The following GABBR2 variants were observed in gnomAD, a reference collection of about 807,000 sequenced individuals.
GABBR2 encodes the protein G-protein coupled receptor 51.
GABBR2 carries 23 observed loss-of-function variants against 105.6 expected under a neutral mutation model. The observed-to-expected ratio is 0.22, with a 90% CI of 0.16 to 0.31. The LOEUF is 0.31. Ranked by LOEUF, GABBR2 falls within the 10% of genes least tolerant of loss-of-function variation. The pLI is 1.00. For synonymous variants in GABBR2, 478 were observed against 499.7 expected (o/e 0.96, Z 0.58); for missense variants, 734 against 1,245.5 (o/e 0.59, Z 6.18).
intron 3 of GABBR2, among the ~76,000 whole-genome samples, chr9:98,518,580 T>G (rs1047436154): frequency 6.6e-6 from 1 of 152,192 alleles, no homozygotes; most frequent in African/African-American, 2.4e-5. Flanking sequence ...TGGCATCCCC[T>G]GCTTCTTCCT....
chr9:98,454,240 G>T lies in GABBR2; in HGVS notation c.1000-23C>A, dbSNP rs1269230801. On this transcript the variant is annotated intron_variant, in intron 6 of 18. Transcript: ENST00000259455. The surrounding 1 kb of genome is among the most constrained non-coding windows in gnomAD (Gnocchi z 4.6). Reference sequence around the variant, plus strand: ...AGTCTGGAAAAACAGGGGATTGGGGGAATCCCAAGTTATACTCGGCAGGGA... The same window carrying T: ...AGTCTGGAAAAACAGGGGATTGGGGTAATCCCAAGTTATACTCGGCAGGGA... 1.3e-6 allele frequency: 2 copies of T among 1,502,208 alleles called. No individual in the cohort carries two copies. Among genetic ancestry groups the T allele is most frequent in the Non-Finnish European group, 1.9e-6 (2 of 1,077,844 alleles). 93.1% of individuals were successfully genotyped at this position (1,502,208 alleles called of 1,614,324 possible).
At chr9:98,615,926 C>T (rs1216178897) in intron 1 of GABBR2, among the ~76,000 whole-genome samples, 1 of 152,222 alleles carries the variant, frequency 6.6e-6, no homozygotes, top group Non-Finnish European at 1.5e-5. Context: ...TGCAAGTTTG[C>T]ACCTGTTTGT....
At chr9:98,312,480 A>G (rs557550342) in intron 13 of GABBR2, among the ~76,000 whole-genome samples, 23 of 152,366 alleles carry the variant, frequency 1.5e-4, no homozygotes, top group Admixed American at 2.6e-4. Flanking sequence ...CTTGGTTGAC[A>G]TGATTTCTGT....
intron 1 of GABBR2, among the ~76,000 whole-genome samples, chr9:98,580,192 TTGC>T (rs1396063917): frequency 6.6e-6 from 1 of 152,196 alleles, no homozygotes. Flanking sequence ...GCCTTTGCAC[TTGC>T]TGTTTTCTCT....
At chr9:98,463,682 C>T (rs570220144) in intron 6 of GABBR2, among the ~76,000 whole-genome samples, 1 of 147,298 alleles carries the variant, frequency 6.8e-6, no homozygotes, top group African/African-American at 2.5e-5. Flanking sequence ...CTTGCAGAGC[C>T]TGGGCAGTAC....
intron 14 of GABBR2, among the ~76,000 whole-genome samples, chr9:98,309,265 G>A (rs901730658): frequency 2.6e-5 from 4 of 152,230 alleles, no homozygotes; most frequent in African/African-American, 7.2e-5. Context: ...CACTTTGGAA[G>A]TAGGTGGGAG....
At chr9:98,571,011 C>T (rs1030275594) in intron 2 of GABBR2, among the ~76,000 whole-genome samples, 1 of 152,140 alleles carries the variant, frequency 6.6e-6, no homozygotes, top group Non-Finnish European at 1.5e-5. Flanking sequence ...TGTACCAGGC[C>T]GAGGGGCAGG....
At chr9:98,668,416 A>G (rs9299313) in intron 1 of GABBR2, among the ~76,000 whole-genome samples, 141,217 of 152,214 alleles carry the variant, frequency 0.93, 65,637 homozygotes, top group Middle Eastern at 0.97. Context: ...ACACTGAAAT[A>G]TTAAAGCTAG....
intron 1 of GABBR2, among the ~76,000 whole-genome samples, chr9:98,580,703 G>A (rs1013607121): frequency 2.0e-4 from 30 of 152,128 alleles, no homozygotes; most frequent in African/African-American, 6.8e-4. Flanking sequence ...CAGGAGAATC[G>A]CTTGAACCTG....
At chr9:98,623,719 C>G (rs1357709566) in intron 1 of GABBR2, among the ~76,000 whole-genome samples, 1 of 152,190 alleles carries the variant, frequency 6.6e-6, no homozygotes, top group African/African-American at 2.4e-5. Context: ...TCCTTCTCTG[C>G]CTCTGACCCA....
intron 2 of GABBR2, chr9:98,551,944 GAA>G (rs1005197103): frequency 1.3e-5 from 2 of 152,204 alleles, no homozygotes; most frequent in African/African-American, 4.8e-5. Context: ...GAACATTGAA[GAA>G]AATGATTAAG....
chr9:98,564,997 G>A (rs917444450), intron 2 of GABBR2, among the ~76,000 whole-genome samples: 6 of 152,154 alleles, frequency 3.9e-5, no homozygotes, highest in Admixed American at 2.0e-4. Flanking sequence ...AAAGGGCATC[G>A]TGCAGTGAGA....
chr9:98,332,793 C>T (rs1181629743), intron 13 of GABBR2, among the ~76,000 whole-genome samples: 2 of 152,238 alleles, frequency 1.3e-5, no homozygotes, highest in Admixed American at 6.5e-5. Context: ...AAATCCTCCA[C>T]GCCCATTGGC....
chr9:98,677,090 T>A (rs565051604), intron 1 of GABBR2, among the ~76,000 whole-genome samples: 1 of 152,326 alleles, frequency 6.6e-6, no homozygotes, highest in Non-Finnish European at 1.5e-5. Flanking sequence ...ACAACAGTGG[T>A]AGCACTAAAG....
intron 1 of GABBR2, among the ~76,000 whole-genome samples, chr9:98,649,393 C>T (rs1161782753): frequency 3.3e-5 from 5 of 152,160 alleles, no homozygotes; most frequent in South Asian, 2.1e-4. Context: ...TCGCCCCTTA[C>T]GGCCCCAAAG....
intron 14 of GABBR2, among the ~76,000 whole-genome samples, chr9:98,309,697 A>G (rs1830607125): frequency 6.6e-6 from 1 of 152,188 alleles, no homozygotes; most frequent in Non-Finnish European, 1.5e-5. Context: ...GCCAGTCCTC[A>G]AGTTCCTATT....
rs1830495502 is a variant in GABBR2 at position 98,303,134 on chromosome 9, A to C, written c.2412+107T>G. On this transcript the variant is annotated intron_variant, in intron 16 of 18. Coordinates refer to ENST00000259455, the MANE Select transcript of GABBR2 (RefSeq NM_005458.8). ...CTGCAACTGCAGCTGATGAGACTGC[A>C]CGGTCATGCTGCAGGGATGGTCTAG... The C allele has an allele frequency of 8.5e-6, 7 of 821,034 alleles. No individual in the cohort carries two copies. The South Asian group carries it at 1.3e-4, about 15-fold the overall frequency. The allele number at this position is 821,034 out of a possible 1,614,324, so 50.9% of individuals were successfully genotyped here. A position where few individuals can be genotyped will look rare whatever the true frequency, so the allele number is the denominator to read the frequency against.
Position 98,301,854 on chromosome 9 carries a change from A to ATGG in GABBR2, c.2412+1384_2412+1386dup, listed in dbSNP as rs1420464134. On this transcript the variant is annotated intron_variant, in intron 16 of 18. Transcript: ENST00000259455. ...CCTTCTTAGTTTGCTCTGGCAGCTG[A>ATGG]TGGTGGGTTACCTCATCCTAAAGCA... Among the ~76,000 whole-genome samples, 4 of 152,294 alleles carry ATGG rather than the reference A, an allele frequency of 2.6e-5. No homozygotes were observed. In the East Asian group the frequency reaches 7.7e-4, roughly 29 times the overall value.
At chr9:98,492,097 GT>G (rs1350307881) in intron 4 of GABBR2, among the ~76,000 whole-genome samples, 1 of 151,906 alleles carries the variant, frequency 6.6e-6, no homozygotes, top group African/African-American at 2.4e-5. Context: ...TGGGAAGTTT[GT>G]TTTTTTCCTG....
Sources: gnomAD v4.1 joint callset for allele counts (sites outside exome capture counted in the v4.1 genomes callset) on GRCh38, gnomAD v4.1.1 for gene constraint, Gnocchi (gnomAD v3.1) non-coding constraint, MANE v1.5 for transcripts, NCBI Gene and HGNC (gene_info 2026-07-23, HGNC 2026-07-21) for gene names.